SPON1: variants seen among roughly 807,000 people sequenced by gnomAD.
SPON1 encodes spondin 1.
A neutral mutation model predicts 111.7 loss-of-function variants in SPON1; 52 were observed. The observed-to-expected ratio is 0.47, with a 90% CI of 0.37 to 0.59. SPON1 has a LOEUF of 0.59. Ranked by LOEUF, SPON1 falls within the 20% of genes least tolerant of loss-of-function variation. The pLI is 0.00. For missense variants in SPON1, 957 were observed against 1,068.5 expected, an observed-to-expected ratio of 0.90 and a Z score of 1.46; for synonymous variants, 410 against 395.8, an observed-to-expected ratio of 1.04 and a Z score of -0.43.
chr11:14,058,227 G>T (rs1350930478), intron 3 of SPON1, among the ~76,000 whole-genome samples: 1 of 152,090 alleles, frequency 6.6e-6, no homozygotes, highest in East Asian at 1.9e-4. Flanking sequence ...AGCTGAGTTG[G>T]TTCGTTCAGT....
chr11:14,256,487 G>C (rs929983730), intron 9 of SPON1, 130 bp from the exon 10 acceptor site: 29 of 605,344 alleles, frequency 4.8e-5, no homozygotes, highest in African/African-American at 3.5e-4. Flanking sequence ...GTAAATGTTG[G>C]TCCAGAACTT....
chr11:14,164,665 T>G (rs1304474258), intron 6 of SPON1, among the ~76,000 whole-genome samples: 1 of 152,160 alleles, frequency 6.6e-6, no homozygotes, highest in East Asian at 1.9e-4. Flanking sequence ...ACAGGGGCAT[T>G]GCAATAGAGA....
chr11:13,995,458 T>C (rs1266880179), intron 2 of SPON1, among the ~76,000 whole-genome samples: 1 of 152,054 alleles, frequency 6.6e-6, no homozygotes, highest in Non-Finnish European at 1.5e-5. Context: ...ACCTTCTTCA[T>C]AAGGTGGCTG....
intron 2 of SPON1, among the ~76,000 whole-genome samples, chr11:13,987,045 G>A (rs1564879806): frequency 6.6e-6 from 1 of 152,186 alleles, no homozygotes; most frequent in Non-Finnish European, 1.5e-5. Flanking sequence ...TGTCCTTATA[G>A]TATAATGATT....
intron 6 of SPON1, among the ~76,000 whole-genome samples, chr11:14,166,613 C>T (rs1245441262): frequency 6.6e-6 from 1 of 152,092 alleles, no homozygotes; most frequent in Admixed American, 6.6e-5. Context: ...CTGTGGATGA[C>T]AAAAGTCTAT....
At chr11:14,219,422 C>T (rs1443002809) in intron 6 of SPON1, among the ~76,000 whole-genome samples, 1 of 152,112 alleles carries the variant, frequency 6.6e-6, no homozygotes, top group South Asian at 2.1e-4. Flanking sequence ...ATGAGGAGAG[C>T]AGGTACCCTC....
chr11:14,077,882 T>C (rs560253433), intron 4 of SPON1, among the ~76,000 whole-genome samples: 16 of 143,278 alleles, frequency 1.1e-4, no homozygotes, highest in Non-Finnish European at 2.0e-4. Flanking sequence ...AAGAGAAAAA[T>C]GTCAACAGAA....
intron 6 of SPON1, among the ~76,000 whole-genome samples, chr11:14,181,148 T>C (rs1312816307): frequency 1.3e-5 from 2 of 152,174 alleles, no homozygotes; most frequent in African/African-American, 4.8e-5. Context: ...CAAAGGCTGA[T>C]TTCAGTCAAA....
intron 5 of SPON1, among the ~76,000 whole-genome samples, chr11:14,087,384 G>A (rs1392028458): frequency 6.6e-6 from 1 of 152,076 alleles, no homozygotes; most frequent in Non-Finnish European, 1.5e-5. Flanking sequence ...ATTTATTTCT[G>A]CCTTAATTTT....
intron 6 of SPON1, among the ~76,000 whole-genome samples, chr11:14,190,632 C>A (rs1334861800): frequency 7.3e-6 from 1 of 137,110 alleles, no homozygotes; most frequent in East Asian, 2.3e-4. Context: ...CTTTTCTTTT[C>A]TTTTTCTTTT....
chr11:14,267,522 T>A lies in SPON1; in HGVS notation c.*1835T>A, dbSNP rs1261826067. On this transcript the variant is annotated 3_prime_UTR_variant, in exon 16 of 16. Coordinates refer to ENST00000576479, the MANE Select transcript of SPON1 (RefSeq NM_006108.4). Reference sequence around the variant, plus strand: ...TATCTATCTAACTCTCAGCCCATGATAAAGTTCCTTAAGCTGGTGATTCCT... The same window carrying A: ...TATCTATCTAACTCTCAGCCCATGAAAAAGTTCCTTAAGCTGGTGATTCCT... 1.3e-5 allele frequency: 2 copies of A among 152,220 alleles called. No individual in the cohort carries two copies. Among genetic ancestry groups the A allele is most frequent in the Non-Finnish European group, 2.9e-5 (2 of 68,034 alleles). The allele number at this position is 152,220 out of a possible 1,614,324, so 9.4% of individuals were successfully genotyped here.
chr11:14,105,099 ACTTTAAC>A (rs782359061), intron 5 of SPON1, among the ~76,000 whole-genome samples: 38 of 152,112 alleles, frequency 2.5e-4, no homozygotes, highest in Non-Finnish European at 5.0e-4. Context: ...CTCTGTTTGT[ACTTTAAC>A]CTTTAACTAT....
intron 5 of SPON1, among the ~76,000 whole-genome samples, chr11:14,091,973 C>A (rs1486241455): frequency 6.6e-6 from 1 of 152,208 alleles, no homozygotes; most frequent in African/African-American, 2.4e-5. Flanking sequence ...CAAGGCGACA[C>A]CCCACCTTGT....
At chr11:14,121,424 T>C (rs1197723535) in intron 5 of SPON1, among the ~76,000 whole-genome samples, 2 of 152,084 alleles carry the variant, frequency 1.3e-5, no homozygotes, top group African/African-American at 2.4e-5. Context: ...GTTTAAAGAT[T>C]TGGTGGAGAA....
At chr11:14,042,747 C>T (rs1554917425) in intron 3 of SPON1, among the ~76,000 whole-genome samples, 1 of 152,112 alleles carries the variant, frequency 6.6e-6, no homozygotes, top group African/African-American at 2.4e-5. Flanking sequence ...TCCAGCCCAC[C>T]CCTGAGGAGA....
At chr11:13,999,838 T>C (rs1279950269) in intron 2 of SPON1, among the ~76,000 whole-genome samples, 5 of 152,180 alleles carry the variant, frequency 3.3e-5, no homozygotes, top group African/African-American at 1.2e-4. Context: ...ACACAAACTT[T>C]CTCTCCAGTT....
In SPON1 at chr11:14,159,260, GGAAA is replaced by G. The variant is rs543092744; in HGVS notation, c.825+23697_825+23700del. Among the ~76,000 whole-genome samples the G allele has an allele frequency of 5.3e-5, 8 of 152,062 alleles. No individual in the cohort carries two copies. The South Asian group carries it at 1.7e-3, about 32-fold the overall frequency. On this transcript the variant is annotated intron_variant, in intron 6 of 15. Coordinates refer to ENST00000576479, the MANE Select transcript of SPON1 (RefSeq NM_006108.4). ...TATTAAAAATTTTTTTGATGCCTTT[GGAAA>G]GAAATTACGGGAAAGGTGCTCAACA...
intron 1 of SPON1, among the ~76,000 whole-genome samples, chr11:13,970,785 C>T (rs1281884199): frequency 5.9e-5 from 9 of 152,318 alleles, no homozygotes; most frequent in Admixed American, 3.3e-4. Context: ...AGGCTGCTCT[C>T]ACTACCAATT....
At chr11:14,111,713 A>C (rs1308498864) in intron 5 of SPON1, among the ~76,000 whole-genome samples, 1 of 152,196 alleles carries the variant, frequency 6.6e-6, no homozygotes, top group Middle Eastern at 3.2e-3. Context: ...TTCCTGCCAA[A>C]CATCCTCCCA....
Sources: allele counts gnomAD v4.1 joint callset (sites outside exome capture counted in the v4.1 genomes callset), GRCh38; gene constraint gnomAD v4.1.1; transcripts MANE v1.5; gene names NCBI Gene and HGNC (gene_info 2026-07-23, HGNC 2026-07-21).